KCP: variants seen among roughly 807,000 people sequenced by gnomAD.
KCP encodes kielin/chordin-like protein.
KCP carries 194 observed loss-of-function variants against 212.7 expected under a neutral mutation model. The ratio of observed to expected loss-of-function variants is 0.91; its 90% CI spans 0.81 to 1.03. The LOEUF (loss-of-function observed/expected upper bound fraction) is 1.03, where lower values mean the gene tolerates loss of function less well. Ranked by LOEUF, KCP falls within the 50% of genes least tolerant of loss-of-function variation. KCP has a pLI of 0.00. For missense variants in KCP, 2,080 were observed against 2,162.5 expected (o/e 0.96, Z 0.76); for synonymous variants, 833 against 865.3 (o/e 0.96, Z 0.65).
In KCP at chr7:128,891,702, G is replaced by C. The variant is rs1794154355; in HGVS notation, c.1739C>G (p.Pro580Arg). Reference sequence around the variant, plus strand: ...CAGCGGGTGGGCACAGGGGGCCCTGGGGCAGGGGCGAGGCTGGCAGTGGGC... The same window carrying C: ...CAGCGGGTGGGCACAGGGGGCCCTGCGGCAGGGGCGAGGCTGGCAGTGGGC... ...GHAHCQPRPC[P>R]RAPCAHPLPG... is the part of the protein sequence containing the mutation. The change falls in exon 17 of 40, where the codon CCC (proline) becomes CGC (arginine). Residue 580 changes from proline (P) to arginine (R), a missense_variant. Pro to Arg is a moderately radical substitution (Grantham distance 103). Coordinates refer to ENST00000610776, the MANE Select transcript of KCP (RefSeq NM_001366122.1). The C allele has an allele frequency of 8.3e-6, 12 of 1,450,648 alleles. No individual in the cohort carries two copies. The highest frequency in any genetic ancestry group is 1.1e-5 in the Non-Finnish European group (12 of 1,100,234). 89.9% of individuals were successfully genotyped at this position (1,450,648 alleles called of 1,614,324 possible).
chr7:128,886,989 A>C (rs757865151), intron 23 of KCP, 23 bp from the exon 24 acceptor site: 2 of 1,264,096 alleles, frequency 1.6e-6, no homozygotes, highest in South Asian at 1.3e-5. Flanking sequence ...GGCCCATCAC[A>C]CCCTCAACTG....
chr7:128,893,916 G>A lies in KCP; in HGVS notation c.1006-17C>T, dbSNP rs1171001604. On this transcript the variant is annotated splice_polypyrimidine_tract_variant and intron_variant, in intron 10 of 39. Coordinates refer to ENST00000610776, the MANE Select transcript of KCP (RefSeq NM_001366122.1). ...ACTCCCATTCTGCCAACAGGGCCTG[G>A]TCAGCACGCCAGAGGCAGGCCCCGG... 3.2e-5 allele frequency: 50 copies of A among 1,550,726 alleles called. No homozygotes were observed. The highest frequency in any genetic ancestry group is 3.3e-4 in the Middle Eastern group (2 of 6,008).
In KCP at chr7:128,881,068, C is replaced by T. The variant is rs192571350; in HGVS notation, c.3442G>A (p.Glu1148Lys). 1.7e-3 allele frequency: 682 copies of T among 398,918 alleles called. 4 individuals carry two copies. Among genetic ancestry groups the T allele is most frequent in the African/African-American group, 0.013 (625 of 48,780 alleles). 24.7% of individuals were successfully genotyped at this position (398,918 alleles called of 1,614,324 possible). Residue 1148 changes from glutamate to lysine, a missense_variant, in exon 32 of 40, where the codon GAG becomes AAG. By Grantham distance (56) the Glu-to-Lys change is moderately conservative (BLOSUM62 1). Coordinates refer to ENST00000610776, the MANE Select transcript of KCP (RefSeq NM_001366122.1). Reference sequence around the variant, plus strand: ...TCTCCATCTGCCACTCTCCGGCCCTCGGCCTCCACCACACATTCTGAGGGG... The same window carrying T: ...TCTCCATCTGCCACTCTCCGGCCCTTGGCCTCCACCACACATTCTGAGGGG... ...PVCRECVVEAEGRRVADGESW... is the reference protein window; with the variant it reads ...PVCRECVVEAKGRRVADGESW...
chr7:128,884,570 C>T (rs1182232034), intron 28 of KCP, among the ~76,000 whole-genome samples: 1 of 152,218 alleles, frequency 6.6e-6, no homozygotes, highest in Non-Finnish European at 1.5e-5. Context: ...CTACGGCCTC[C>T]TGCACACTTG....
rs370022012 is a variant in KCP at position 128,890,510 on chromosome 7, C to A, written c.2168G>T (p.Cys723Phe). Residue 723 changes from cysteine (C) to phenylalanine (F), a missense_variant, in exon 21 of 40, where the codon TGC (cysteine) becomes TTC (phenylalanine). Physicochemically the swap from Cys to Phe is radical, Grantham distance 205. Coordinates refer to ENST00000610776, the MANE Select transcript of KCP (RefSeq NM_001366122.1). ...GGCAAACTCCTTCCCCTGGTACAGGCAGCCTGGGGAGAAGGGCAGGGGCTG... is the reference window on the plus strand; with the variant it reads ...GGCAAACTCCTTCCCCTGGTACAGGAAGCCTGGGGAGAAGGGCAGGGGCTG... ...QGPCCPSCDG[C>F]LYQGKEFASG... 6.5e-7 allele frequency: 1 copy of A among 1,547,254 alleles called. No individual in the cohort carries two copies. The highest frequency in any genetic ancestry group is 2.0e-5 in the Admixed American group (1 of 50,952).
chr7:128,907,432 C>A lies in KCP; in HGVS notation c.241G>T (p.Val81Leu). 1 of 1,501,648 alleles carries A rather than the reference C, an allele frequency of 6.7e-7. No homozygotes were observed. Among genetic ancestry groups the A allele is most frequent in the Non-Finnish European group, 9.0e-7 (1 of 1,115,214 alleles). 93.0% of individuals were successfully genotyped at this position (1,501,648 alleles called of 1,614,324 possible). A position where few individuals can be genotyped will look rare whatever the true frequency, so the allele number is the denominator to read the frequency against. ...REQNKDLQTR[V>L]RQLESCECHP... ...CACTCACAGGACTCCAGCTGCCTCA[C>A]CCTCGTCTGCAGGTCCTTATTCTGG... is the stretch of plus-strand genomic sequence containing the variant. The change falls in exon 3 of 40, where the codon GTG becomes TTG. Residue 81 changes from valine (V) to leucine (L), a missense_variant. Val to Leu is a conservative substitution (Grantham distance 32, BLOSUM62 1). Coordinates refer to ENST00000610776, the MANE Select transcript of KCP (RefSeq NM_001366122.1).
intron 8 of KCP, among the ~76,000 whole-genome samples, chr7:128,897,086 T>C (rs1794576924): frequency 6.6e-6 from 1 of 152,126 alleles, no homozygotes; most frequent in African/African-American, 2.4e-5. Context: ...TTATTTCCTC[T>C]GCAAAGTTTT....
Position 128,884,114 on chromosome 7 carries a change from A to G in KCP, c.3132T>C (p.Pro1044=). The change falls in exon 29 of 40, where the codon CCT becomes CCC. Residue 1044 remains proline, a synonymous_variant. Transcript: ENST00000610776. ...GACAGCGAAGGCTGGGAGGCCCCTC[A>G]GGCTGTGGCTACAAGAATGAGTGAG... is the stretch of plus-strand genomic sequence containing the variant. The part of the protein sequence containing the change: ...PCEVCICEPQ[P]EGPPSLRCHR... 6.5e-7 allele frequency: 1 copy of G among 1,543,996 alleles called. No homozygotes were observed. The highest frequency in any genetic ancestry group is 8.7e-7 in the Non-Finnish European group (1 of 1,145,030).
At position 128,890,601 on chromosome 7, in the gene KCP, G is replaced by A. The variant is rs1794038136; in HGVS notation, c.2165-88C>T. 9 of 1,117,310 alleles carry A rather than the reference G, an allele frequency of 8.1e-6. No homozygotes were observed. The South Asian group carries it at 9.2e-5, about 11-fold the overall frequency. 69.2% of individuals were successfully genotyped at this position (1,117,310 alleles called of 1,614,324 possible). On this transcript the variant is annotated intron_variant, in intron 20 of 39. Transcript: ENST00000610776. ...CGTGGGGTTGAGGGGCGTGGAGGAC[G>A]GGTGTCGTGGGGGCCGTGGGGGCTG... is the stretch of plus-strand genomic sequence containing the variant.
At chr7:128,910,571 G>A (rs983386615) in intron 1 of KCP, 30 bp downstream of exon 1, 17 of 1,504,226 alleles carry the variant, frequency 1.1e-5, no homozygotes, top group African/African-American at 2.9e-5. Flanking sequence ...GCACCTGGCC[G>A]GACCCCAAGC....
In KCP at chr7:128,886,930, G is replaced by T; in HGVS notation, c.2635C>A (p.Pro879Thr). 1 of 1,533,226 alleles carries T rather than the reference G, an allele frequency of 6.5e-7. No homozygotes were observed. The allele number at this position is 1,533,226 out of a possible 1,614,324, so 95.0% of individuals were successfully genotyped here. A position where few individuals can be genotyped will look rare whatever the true frequency, so the allele number is the denominator to read the frequency against. ...SMRCQKKPCP[P>T]ALCPHPSPGP... The stretch of plus-strand genomic sequence containing the variant: ...GGAGAGGGGTGGGGGCAGAGAGCTG[G>T]GGGACATGGCTTCTTCTGGCAGCGC... Residue 879 changes from proline (P) to threonine (T), a missense_variant, in exon 24 of 40, where the codon CCA becomes ACA. Coordinates refer to ENST00000610776, the MANE Select transcript of KCP (RefSeq NM_001366122.1).
chr7:128,895,542 A>G (rs1326893649), intron 8 of KCP, among the ~76,000 whole-genome samples: 2 of 152,242 alleles, frequency 1.3e-5, no homozygotes, highest in Non-Finnish European at 2.9e-5. Flanking sequence ...GAACCAAAGC[A>G]ACTCCATCTT....
intron 8 of KCP, among the ~76,000 whole-genome samples, chr7:128,901,767 C>T (rs1000662463): frequency 2.6e-5 from 4 of 152,176 alleles, no homozygotes; most frequent in Non-Finnish European, 5.9e-5. Context: ...GGTTGGGTGC[C>T]CTGTAGCTTT....
intron 22 of KCP, among the ~76,000 whole-genome samples, chr7:128,887,718 GAC>G (rs533440783): frequency 6.7e-4 from 82 of 122,248 alleles, no homozygotes; most frequent in East Asian, 2.6e-3. Flanking sequence ...CACAGCCATA[GAC>G]ACACACAGCC....
chr7:128,884,194 G>C (rs555690560), intron 28 of KCP, 72 bp from the exon 29 acceptor site: 1 of 1,486,994 alleles, frequency 6.7e-7, no homozygotes, highest in Non-Finnish European at 8.9e-7. Context: ...CGGGACTTCC[G>C]GCCCCTCCCT....
At chr7:128,906,994 G>A in intron 4 of KCP, 107 bp downstream of exon 4, 1 of 1,080,724 alleles carries the variant, frequency 9.3e-7, no homozygotes, top group East Asian at 2.6e-5. Context: ...GTGTGGGAGT[G>A]GCAGGCAGAG....
rs1794267851 is a variant in KCP at position 128,892,971 on chromosome 7, C to T, written c.1318G>A (p.Asp440Asn). The T allele has an allele frequency of 1.7e-6, 2 of 1,195,080 alleles. No homozygotes were observed. Among genetic ancestry groups the T allele is most frequent in the Non-Finnish European group, 2.4e-6 (2 of 821,360 alleles). The allele number at this position is 1,195,080 out of a possible 1,614,324, so 74.0% of individuals were successfully genotyped here. The change falls in exon 14 of 40, where the codon GAT becomes AAT. Residue 440 changes from aspartate (D) to asparagine (N), a missense_variant. Asp to Asn is a conservative substitution (Grantham distance 23, BLOSUM62 1). Coordinates refer to ENST00000610776, the MANE Select transcript of KCP (RefSeq NM_001366122.1). ...ACGCAGGCGGTGCAGGGCCGACCAT[C>T]AGGCTCCCACTGGACTCCCTCAGCA... ...EFAEGVQWEP[D>N]GRPCTACVCQ...
chr7:128,884,830 C>A lies in KCP; in HGVS notation c.3074G>T (p.Gly1025Val). 1.3e-6 allele frequency: 2 copies of A among 1,551,042 alleles called. No individual in the cohort carries two copies. The highest frequency in any genetic ancestry group is 8.7e-7 in the Non-Finnish European group (1 of 1,146,978). ...CEHEGRKYEP[G>V]ESFQPGADPC... ...GTCTGCCCCAGGCTGGAAGCTCTCC[C>A]CAGGCTCGTACTTCCGGCCCTCATG... is the stretch of plus-strand genomic sequence containing the variant. The change falls in exon 28 of 40, where the codon GGG becomes GTG. Residue 1025 changes from glycine (G) to valine (V), a missense_variant. Physicochemically the swap from Gly to Val is moderately radical, Grantham distance 109 (BLOSUM62 -3). Coordinates refer to ENST00000610776, the MANE Select transcript of KCP (RefSeq NM_001366122.1).
rs1390931167 is a variant in KCP at position 128,885,276 on chromosome 7, G to A, written c.2867-6C>T. 2 of 1,539,048 alleles carry A rather than the reference G, an allele frequency of 1.3e-6. No homozygotes were observed. Among genetic ancestry groups the A allele is most frequent in the Admixed American group, 3.9e-5 (2 of 50,640 alleles). On this transcript the variant is annotated splice_polypyrimidine_tract_variant and splice_region_variant and intron_variant, in intron 26 of 39. Coordinates refer to ENST00000610776, the MANE Select transcript of KCP (RefSeq NM_001366122.1). ...TTCCCCATGAGCCAGGCAGCCTGTG[G>A]TGCAAAGTGGGCAGGGACGAGCTCG...
Sources: gnomAD v4.1 joint callset for allele counts (sites outside exome capture counted in the v4.1 genomes callset) on GRCh38, gnomAD v4.1.1 for gene constraint, MANE v1.5 for transcripts, NCBI Gene and HGNC (gene_info 2026-07-23, HGNC 2026-07-21) for gene names.